Variants in IGF1 observed in about 807,000 individuals in gnomAD.
The protein encoded by IGF1 is insulin-like growth factor 1.
Under a neutral mutation model 13.8 loss-of-function variants are expected in IGF1, and 4 were observed. The observed-to-expected ratio is 0.29, with a 90% confidence interval of 0.14 to 0.66. The LOEUF is 0.66. Ranked by LOEUF, IGF1 falls within the 30% of genes least tolerant of loss-of-function variation. The probability of loss-of-function intolerance (pLI) is 0.78; values close to 1 mark genes in which losing one functional copy is unlikely to be tolerated. For missense variants in IGF1, 124 were observed against 188.5 expected (o/e 0.66, Z 2.00); for synonymous variants, 76 against 72.6 (o/e 1.05, Z -0.23).
chr12:102,464,392 G>A (rs1045528049), intron 2 of IGF1, among the ~76,000 whole-genome samples: 5 of 150,450 alleles, frequency 3.3e-5, no homozygotes, highest in Non-Finnish European at 5.9e-5. Context: ...TCTGGGGACT[G>A]GAAGAAGGAA....
intron 2 of IGF1, among the ~76,000 whole-genome samples, chr12:102,466,608 G>C (rs973124617): frequency 6.6e-6 from 1 of 152,130 alleles, no homozygotes; most frequent in African/African-American, 2.4e-5. Context: ...AATAAGGTAA[G>C]ATTTTAAAAC....
intron 2 of IGF1, among the ~76,000 whole-genome samples, chr12:102,441,906 G>GCTGCTGCTGCTGCTGCTGCTT: frequency 5.0e-5 from 5 of 100,346 alleles, no homozygotes; most frequent in South Asian, 3.3e-4. Context: ...CTATTACACT[G>GCTGCTGCTGCTGCTGCTGCTT]CTTCTTCTCC....
chr12:102,473,072 A>G (rs556674279), intron 2 of IGF1, among the ~76,000 whole-genome samples: 1 of 152,158 alleles, frequency 6.6e-6, no homozygotes, highest in Non-Finnish European at 1.5e-5. Flanking sequence ...CAGTTCAACA[A>G]TCAAATATGG....
chr12:102,449,008 G>A (rs1878651845), intron 2 of IGF1, among the ~76,000 whole-genome samples: 1 of 152,160 alleles, frequency 6.6e-6, no homozygotes, highest in Admixed American at 6.5e-5. Context: ...CAAGGATCTA[G>A]AACCAGAAAT....
In IGF1 at chr12:102,398,227, A is replaced by G. The variant is rs909555428; in HGVS notation, c.*4280T>C. On this transcript the variant is annotated 3_prime_UTR_variant, in exon 4 of 4. Coordinates refer to ENST00000337514, the MANE Select transcript of IGF1 (RefSeq NM_000618.5). The stretch of plus-strand genomic sequence containing the variant: ...AGGAAATACTTTCCAACATTTCCCA[A>G]ATGAGATCAGTGATTGCTTTTCATG... 7.9e-5 allele frequency: 12 copies of G among 152,634 alleles called. No individual in the cohort carries two copies. The highest frequency in any genetic ancestry group is 5.8e-4 in the East Asian group (3 of 5,196). The allele number at this position is 152,634 out of a possible 1,614,324, so 9.5% of individuals were successfully genotyped here.
At chr12:102,466,554 CTGT>C (rs1880339464) in intron 2 of IGF1, among the ~76,000 whole-genome samples, 1 of 152,154 alleles carries the variant, frequency 6.6e-6, no homozygotes, top group Admixed American at 6.6e-5. Flanking sequence ...CTGAAAAACT[CTGT>C]TGCCAATGGC....
rs1873517119 is a variant in IGF1 at position 102,399,661 on chromosome 12, A to C, written c.*2846T>G. Reference sequence around the variant, plus strand: ...GAGGATTATGTGTTGGAAAAAGTTAAGAAAGATAATATGGCAGTGCATCTT... The same window carrying C: ...GAGGATTATGTGTTGGAAAAAGTTACGAAAGATAATATGGCAGTGCATCTT... On this transcript the variant is annotated 3_prime_UTR_variant, in exon 4 of 4. Coordinates refer to ENST00000337514, the MANE Select transcript of IGF1 (RefSeq NM_000618.5). 6.6e-6 allele frequency: 1 copy of C among 152,216 alleles called. No homozygotes were observed. The highest frequency in any genetic ancestry group is 1.5e-5 in the Non-Finnish European group (1 of 68,020). The allele number at this position is 152,216 out of a possible 1,614,324, so 9.4% of individuals were successfully genotyped here. A position where few individuals can be genotyped will look rare whatever the true frequency, so the allele number is the denominator to read the frequency against.
Position 102,402,246 on chromosome 12 carries a change from T to TATA in IGF1, c.*260_*261insTAT, listed in dbSNP as rs199891259. 3.9e-5 allele frequency: 9 copies of TATA among 230,460 alleles called. No individual in the cohort carries two copies. The highest frequency in any genetic ancestry group is 1.3e-4 in the African/African-American group (5 of 37,580). The allele number at this position is 230,460 out of a possible 1,614,324, so 14.3% of individuals were successfully genotyped here. On this transcript the variant is annotated 3_prime_UTR_variant, in exon 4 of 4. Transcript: ENST00000337514. ...GACTAAGATATATATATATATATAT[T>TATA]TTTTTTTTCTTTTCTATAGAACATT...
intron 3 of IGF1, among the ~76,000 whole-genome samples, chr12:102,409,647 A>G (rs2136961083): frequency 6.6e-6 from 1 of 152,306 alleles, no homozygotes. Context: ...GTGCTTGATT[A>G]GCACACTGTG....
intron 2 of IGF1, among the ~76,000 whole-genome samples, chr12:102,458,059 C>G (rs1189089367): frequency 6.6e-6 from 1 of 152,204 alleles, no homozygotes; most frequent in East Asian, 1.9e-4. Flanking sequence ...TCAAAATTCA[C>G]TAAGTTGGAT....
rs950879322 is a variant in IGF1, at chr12:102,397,210, G to GA, written c.*5296dup. The GA allele has an allele frequency of 6.8e-3, 1,102 of 161,652 alleles. No individual in the cohort carries two copies. The highest frequency in any genetic ancestry group is 0.02 in the Middle Eastern group (8 of 394). The allele number at this position is 161,652 out of a possible 1,614,324, so 10.0% of individuals were successfully genotyped here. A position where few individuals can be genotyped will look rare whatever the true frequency, so the allele number is the denominator to read the frequency against. On this transcript the variant is annotated 3_prime_UTR_variant, in exon 4 of 4. Coordinates refer to ENST00000337514, the MANE Select transcript of IGF1 (RefSeq NM_000618.5). ...GTGCGAGACCCCATCTCACAAAAAG[G>GA]AAAAAAAAAAAGAGGGAACACGTGA...
intron 2 of IGF1, among the ~76,000 whole-genome samples, chr12:102,475,064 G>T (rs1160927210): frequency 6.6e-6 from 1 of 152,142 alleles, no homozygotes; most frequent in Non-Finnish European, 1.5e-5. Flanking sequence ...AATCAGTATG[G>T]CATTTCAGTT....
At chr12:102,417,892 T>A in intron 3 of IGF1, 3 of 1,614,066 alleles carry the variant, frequency 1.9e-6, no homozygotes, top group Non-Finnish European at 2.5e-6. Flanking sequence ...TTCTTTCCTC[T>A]GATCTGCAGA....
Position 102,402,875 on chromosome 12 carries a change from GA to G in IGF1, c.403-310del, listed in dbSNP as rs72550725. Among the ~76,000 whole-genome samples, 13 of 152,280 alleles carry G rather than the reference GA, an allele frequency of 8.5e-5. 1 individual carries two copies. The highest frequency in any genetic ancestry group is 1.3e-4 in the Admixed American group (2 of 15,300). On this transcript the variant is annotated intron_variant, in intron 3 of 3. Coordinates refer to ENST00000337514, the MANE Select transcript of IGF1 (RefSeq NM_000618.5). ...GATTCATTGATTGAAAGGAGATCCTGAAAAATCCAGCCTTCTGGCCTCTAGA... is the reference window on the plus strand; with the variant it reads ...GATTCATTGATTGAAAGGAGATCCTGAAAATCCAGCCTTCTGGCCTCTAGA...
intron 2 of IGF1, among the ~76,000 whole-genome samples, chr12:102,453,209 G>T (rs570548939): frequency 7.8e-4 from 119 of 152,288 alleles, no homozygotes; most frequent in Non-Finnish European, 1.4e-3. Flanking sequence ...TAATGTGTTA[G>T]GTGTGTGGCC....
At chr12:102,404,548 A>G (rs1240118016) in intron 3 of IGF1, among the ~76,000 whole-genome samples, 3 of 152,182 alleles carry the variant, frequency 2.0e-5, no homozygotes, top group Admixed American at 2.0e-4. Context: ...TTGTGTAAAA[A>G]CATTCACTAA....
intron 2 of IGF1, among the ~76,000 whole-genome samples, chr12:102,438,020 G>A (rs1415564198): frequency 6.6e-6 from 1 of 152,212 alleles, no homozygotes. Context: ...CTCCAGTTCA[G>A]AGATGCATTT....
chr12:102,460,452 C>G (rs894670953), intron 2 of IGF1, among the ~76,000 whole-genome samples: 6 of 152,148 alleles, frequency 3.9e-5, no homozygotes, highest in Admixed American at 2.0e-4. Flanking sequence ...TGGGTCCCCC[C>G]ACAAAGAAAC....
intron 2 of IGF1, 26 bp downstream of exon 2, chr12:102,475,617 G>A: frequency 6.2e-7 from 1 of 1,613,320 alleles, no homozygotes; most frequent in Non-Finnish European, 8.5e-7. Flanking sequence ...GACTTGAGCA[G>A]CACATTGAGA....
Sources: gnomAD v4.1 joint callset for allele counts (sites outside exome capture counted in the v4.1 genomes callset) on GRCh38, gnomAD v4.1.1 for gene constraint, MANE v1.5 for transcripts, NCBI Gene and HGNC (gene_info 2026-07-23, HGNC 2026-07-21) for gene names.